Variants in PIGL observed in about 807,000 individuals in gnomAD.
The protein encoded by PIGL is N-acetylglucosaminyl-phosphatidylinositol de-N-acetylase.
In PIGL, 22 loss-of-function variants were observed where a neutral mutation model predicts 31.1. The observed-to-expected ratio is 0.71, with a 90% confidence interval of 0.51 to 1.01. The LOEUF (loss-of-function observed/expected upper bound fraction) is 1.01, where lower values mean the gene tolerates loss of function less well. Among genes scored for constraint, PIGL ranks in the 50% least tolerant of loss-of-function variants. The pLI is 0.00. For synonymous variants in PIGL, 131 were observed against 117.4 expected (o/e 1.12, Z -0.75); for missense variants, 302 against 315.9 (o/e 0.96, Z 0.33).
intron 2 of PIGL, among the ~76,000 whole-genome samples, chr17:16,256,678 TTTG>T (rs1204942145): frequency 7.5e-6 from 1 of 133,868 alleles, no homozygotes; most frequent in Non-Finnish European, 1.6e-5. Context: ...TTGTTTTTTG[TTTG>T]TTTTGTTTTT....
intron 1 of PIGL, among the ~76,000 whole-genome samples, chr17:16,218,639 T>A (rs1226015376): frequency 6.6e-6 from 1 of 151,880 alleles, no homozygotes; most frequent in African/African-American, 2.4e-5. Flanking sequence ...GGCTTTGCAT[T>A]GCAAAACACA....
At chr17:16,264,879 T>G (rs2092835752) in intron 2 of PIGL, among the ~76,000 whole-genome samples, 1 of 151,798 alleles carries the variant, frequency 6.6e-6, no homozygotes, top group African/African-American at 2.4e-5. Flanking sequence ...CGCCCTCCTC[T>G]GCCTCCCAAA....
intron 2 of PIGL, among the ~76,000 whole-genome samples, chr17:16,272,232 A>C (rs1186495732): frequency 6.6e-6 from 1 of 152,164 alleles, no homozygotes; most frequent in Non-Finnish European, 1.5e-5. Flanking sequence ...AAATTCCCAG[A>C]ACTTAGAATA....
intron 2 of PIGL, among the ~76,000 whole-genome samples, chr17:16,264,254 C>T (rs957440246): frequency 6.6e-5 from 10 of 151,438 alleles, no homozygotes; most frequent in African/African-American, 1.2e-4. Flanking sequence ...GTGATCCATC[C>T]GCCTCAGCCT....
intron 2 of PIGL, among the ~76,000 whole-genome samples, chr17:16,246,670 G>GTTTTTTTT (rs1284256034): frequency 9.4e-6 from 1 of 106,534 alleles, no homozygotes; most frequent in African/African-American, 3.5e-5. Flanking sequence ...CCAGATCAAG[G>GTTTTTTTT]TCTTTTTTTT....
At chr17:16,283,213 G>T (rs1156802934) in intron 2 of PIGL, among the ~76,000 whole-genome samples, 1 of 152,082 alleles carries the variant, frequency 6.6e-6, no homozygotes, top group Non-Finnish European at 1.5e-5. Context: ...ATGTTGGCCA[G>T]GATGGTGTCT....
At chr17:16,293,761 A>C (rs1264027376) in intron 2 of PIGL, among the ~76,000 whole-genome samples, 1 of 152,352 alleles carries the variant, frequency 6.6e-6, no homozygotes, top group East Asian at 1.9e-4. Context: ...ACCACCTAAG[A>C]AATAGAAGAA....
chr17:16,234,540 G>A (rs559516570), intron 2 of PIGL, among the ~76,000 whole-genome samples: 30 of 152,320 alleles, frequency 2.0e-4, no homozygotes, highest in African/African-American at 7.0e-4. Flanking sequence ...GAGGTGGGCA[G>A]ATCACCTCAG....
chr17:16,316,380 A>C, intron 4 of PIGL, among the ~76,000 whole-genome samples: 1 of 152,234 alleles, frequency 6.6e-6, no homozygotes, highest in African/African-American at 2.4e-5. Context: ...AAAACTATGA[A>C]GAGTCCAGCA....
At chr17:16,298,915 C>G (rs2092993382) in intron 2 of PIGL, among the ~76,000 whole-genome samples, 1 of 151,998 alleles carries the variant, frequency 6.6e-6, no homozygotes, top group South Asian at 2.1e-4. Context: ...GTAATCCCAG[C>G]TACTTGGGAG....
At chr17:16,222,081 C>T (rs1325118055) in intron 1 of PIGL, among the ~76,000 whole-genome samples, 1 of 152,080 alleles carries the variant, frequency 6.6e-6, no homozygotes, top group Non-Finnish European at 1.5e-5. Flanking sequence ...ATTCACAAGT[C>T]ATTCAAACGT....
chr17:16,286,335 G>C (rs1399389548), intron 2 of PIGL, among the ~76,000 whole-genome samples: 1 of 152,256 alleles, frequency 6.6e-6, no homozygotes, highest in Non-Finnish European at 1.5e-5. Flanking sequence ...GTCTGGGGGA[G>C]AAAGACCTGG....
chr17:16,245,378 C>T (rs1455144309), intron 2 of PIGL, among the ~76,000 whole-genome samples: 1 of 151,898 alleles, frequency 6.6e-6, no homozygotes, highest in African/African-American at 2.4e-5. Flanking sequence ...CCACCTGCCT[C>T]GGCCTTCCAA....
chr17:16,321,366 G>A (rs570745511), intron 6 of PIGL, among the ~76,000 whole-genome samples: 27 of 150,406 alleles, frequency 1.8e-4, no homozygotes, highest in Admixed American at 4.7e-4. Context: ...TCACACTCCC[G>A]AGTAGCTGGG....
chr17:16,230,415 G>A (rs371962331), intron 1 of PIGL, among the ~76,000 whole-genome samples: 2 of 152,108 alleles, frequency 1.3e-5, no homozygotes, highest in East Asian at 3.8e-4. Flanking sequence ...TCTTGCTGTT[G>A]TAACTATTTG....
chr17:16,238,975 T>C (rs935353876), intron 2 of PIGL, among the ~76,000 whole-genome samples: 1 of 140,380 alleles, frequency 7.1e-6, no homozygotes, highest in African/African-American at 2.6e-5. Context: ...ACTCCTGACC[T>C]CAGATGATCC....
chr17:16,243,340 G>A (rs1020692550), intron 2 of PIGL, among the ~76,000 whole-genome samples: 3 of 152,300 alleles, frequency 2.0e-5, no homozygotes, highest in South Asian at 4.1e-4. Context: ...GTGAGCCACC[G>A]TTTCTGGCCT....
chr17:16,283,986 TTG>T (rs1491501660), intron 2 of PIGL: 342 of 122,062 alleles, frequency 2.8e-3, no homozygotes, highest in Admixed American at 2.5e-3. Context: ...TTCTTTTTTT[TTG>T]TTTTGAGACG....
At chr17:16,316,799 C>G in intron 5 of PIGL, 87 bp downstream of exon 5, 1 of 1,583,022 alleles carries the variant, frequency 6.3e-7, no homozygotes, top group East Asian at 2.3e-5. Context: ...CCACAGAGAG[C>G]TGCCCTCAGC....
Sources: allele counts gnomAD v4.1 joint callset (sites outside exome capture counted in the v4.1 genomes callset), GRCh38; gene constraint gnomAD v4.1.1; transcripts MANE v1.5; gene names NCBI Gene and HGNC (gene_info 2026-07-23, HGNC 2026-07-21).